SRGAP1: variants seen among roughly 807,000 people sequenced by gnomAD.
The protein encoded by SRGAP1 is SLIT-ROBO Rho GTPase-activating protein 1.
SRGAP1 carries 43 observed loss-of-function variants against 121.9 expected under a neutral mutation model. The ratio of observed to expected loss-of-function variants is 0.35; its 90% CI spans 0.28 to 0.46. The LOEUF (loss-of-function observed/expected upper bound fraction) is 0.46. SRGAP1 is among the 20% of genes least tolerant of loss of function. SRGAP1 has a pLI of 1.00. For synonymous variants in SRGAP1, 447 were observed against 485.4 expected (o/e 0.92, Z 1.04); for missense variants, 1,102 against 1,350.9 (o/e 0.82, Z 2.89).
intron 1 of SRGAP1, among the ~76,000 whole-genome samples, chr12:63,863,552 G>A (rs372988257): frequency 6.6e-5 from 10 of 152,136 alleles, no homozygotes; most frequent in South Asian, 2.1e-4. Context: ...GATTATAGGC[G>A]TGAGCCACCG....
chr12:63,984,360 A>G (rs2033356584), intron 2 of SRGAP1, among the ~76,000 whole-genome samples: 1 of 152,174 alleles, frequency 6.6e-6, no homozygotes, highest in East Asian at 1.9e-4. Context: ...CAATACATAT[A>G]TATTTATGGA....
intron 18 of SRGAP1, among the ~76,000 whole-genome samples, chr12:64,121,951 T>C (rs528480546): frequency 6.6e-6 from 1 of 152,218 alleles, no homozygotes; most frequent in Non-Finnish European, 1.5e-5. Context: ...TGCCGAGGTA[T>C]TGTATTTTTT....
At chr12:63,877,526 C>T (rs1300081433) in intron 1 of SRGAP1, among the ~76,000 whole-genome samples, 1 of 152,210 alleles carries the variant, frequency 6.6e-6, no homozygotes, top group Non-Finnish European at 1.5e-5. Context: ...AACATGGACT[C>T]ATTCAAGCAA....
At chr12:63,970,303 A>C (rs1292472274) in intron 1 of SRGAP1, among the ~76,000 whole-genome samples, 1 of 152,212 alleles carries the variant, frequency 6.6e-6, no homozygotes, top group Non-Finnish European at 1.5e-5. Context: ...CCAGCAGTGC[A>C]CTAAGAGCTA....
chr12:64,142,608 C>G lies in SRGAP1; in HGVS notation c.3194C>G (p.Thr1065Arg). 1 of 1,614,182 alleles carries G rather than the reference C, an allele frequency of 6.2e-7. No homozygotes were observed. ...CCAAAACCTGCTGTTCTTCCAAAAA[C>G]AAATCCTACCATAGGACCTGCCCCA... ...LRPKPAVLPK[T>R]NPTIGPAPPP... is the part of the protein sequence containing the mutation. Residue 1065 changes from threonine (T) to arginine (R), a missense_variant, in exon 22 of 22, where the codon ACA becomes AGA. Physicochemically the swap from Thr to Arg is moderately conservative, Grantham distance 71 (BLOSUM62 -1). This residue lies in a region of SRGAP1 where 315 missense variants were observed against 343.1 expected (regional missense o/e 0.92). Transcript: ENST00000355086.
chr12:64,127,907 A>G lies in SRGAP1; in HGVS notation c.2587A>G (p.Arg863Gly), dbSNP rs2036721729. The change falls in exon 21 of 22, where the codon AGG becomes GGG. Residue 863 changes from arginine (R) to glycine (G), a missense_variant. Coordinates refer to ENST00000355086, the MANE Select transcript of SRGAP1 (RefSeq NM_020762.4). ...EPPPPVRRPGRTSDGHCPLHP... is the reference protein window; with the variant it reads ...EPPPPVRRPGGTSDGHCPLHP... ...ACCCCCTCCAGTAAGGCGTCCTGGCAGGACCAGTGATGGCCATTGCCCGCT... is the reference window on the plus strand; with the variant it reads ...ACCCCCTCCAGTAAGGCGTCCTGGCGGGACCAGTGATGGCCATTGCCCGCT... 1 of 1,614,130 alleles carries G rather than the reference A, an allele frequency of 6.2e-7. No individual in the cohort carries two copies.
intron 6 of SRGAP1, among the ~76,000 whole-genome samples, chr12:64,053,208 G>T (rs1169572231): frequency 6.6e-6 from 1 of 152,134 alleles, no homozygotes; most frequent in Non-Finnish European, 1.5e-5. Flanking sequence ...TTCTGTAAGG[G>T]GCCAGATGGT....
rs1264641140 is a variant in SRGAP1 at position 64,030,158 on chromosome 12, A to G, written c.490-12632A>G. Among the ~76,000 whole-genome samples, 7 of 152,334 alleles carry G rather than the reference A, an allele frequency of 4.6e-5. No individual in the cohort carries two copies. The South Asian group carries it at 1.0e-3, about 23-fold the overall frequency. ...TAATTATGTTTATAAAAAATTATGA[A>G]CTAATGAACTAGCATAAATCAATAA... is the stretch of plus-strand genomic sequence containing the variant. On this transcript the variant is annotated intron_variant, in intron 4 of 21. Transcript: ENST00000355086.
Position 63,896,008 on chromosome 12 carries a change from T to G in SRGAP1, c.67+51125T>G, listed in dbSNP as rs561574394. On this transcript the variant is annotated intron_variant, in intron 1 of 21. Transcript: ENST00000355086. ...AGTCAGATTTTCTTATAAGACTCAA[T>G]GTGCTGTTATGGTTATGACTGTGGG... 8.5e-5 allele frequency among the ~76,000 whole-genome samples: 13 copies of G among 152,292 alleles called. No homozygotes were observed. The East Asian group carries it at 2.1e-3, about 25-fold the overall frequency.
At position 64,143,254 on chromosome 12, in the gene SRGAP1, A is replaced by G. The variant is rs1260732997; in HGVS notation, c.*582A>G. The G allele has an allele frequency of 6.5e-6, 1 of 152,962 alleles. No homozygotes were observed. Among genetic ancestry groups the G allele is most frequent in the Non-Finnish European group, 1.5e-5 (1 of 68,672 alleles). The allele number at this position is 152,962 out of a possible 1,614,324, so 9.5% of individuals were successfully genotyped here. ...TGGGTTGGATGCTTGCCTCTTTCCTAACAGTTATTTCCCCGGGTCCAGCTT... is the reference window on the plus strand; with the variant it reads ...TGGGTTGGATGCTTGCCTCTTTCCTGACAGTTATTTCCCCGGGTCCAGCTT... On this transcript the variant is annotated 3_prime_UTR_variant, in exon 22 of 22. Transcript: ENST00000355086.
chr12:63,905,597 C>A (rs1203536969), intron 1 of SRGAP1, among the ~76,000 whole-genome samples: 1 of 152,146 alleles, frequency 6.6e-6, no homozygotes, highest in East Asian at 1.9e-4. Flanking sequence ...CTTCCTAATT[C>A]AAAGAACAAT....
In SRGAP1 at chr12:64,079,141, C is replaced by T. The variant is rs182345228; in HGVS notation, c.1323+25C>T. Reference sequence around the variant, plus strand: ...GGTGTGCCCGCCACTTCCCAAGCCACTCTACAGAGCTCAGATCTAGGATTC... The same window carrying T: ...GGTGTGCCCGCCACTTCCCAAGCCATTCTACAGAGCTCAGATCTAGGATTC... On this transcript the variant is annotated intron_variant, in intron 9 of 21. Coordinates refer to ENST00000355086, the MANE Select transcript of SRGAP1 (RefSeq NM_020762.4). 2.6e-4 allele frequency: 422 copies of T among 1,612,822 alleles called. No homozygotes were observed. The African/African-American group carries it at 4.9e-3, about 19-fold the overall frequency.
chr12:63,891,148 A>G (rs1466083181), intron 1 of SRGAP1, among the ~76,000 whole-genome samples: 6 of 151,888 alleles, frequency 4.0e-5, no homozygotes, highest in African/African-American at 7.3e-5. Flanking sequence ...ATTCCTCCAC[A>G]CTCATGGAGG....
chr12:64,142,701 G>GGTGACTT lies in SRGAP1; in HGVS notation c.*30_*36dup. On this transcript the variant is annotated 3_prime_UTR_variant, in exon 22 of 22. Coordinates refer to ENST00000355086, the MANE Select transcript of SRGAP1 (RefSeq NM_020762.4). Reference sequence around the variant, plus strand: ...CCAGCCAAGCAAGGCCATAAAGGGAGGTGACTTAAAAAAGAAAATGGATTA... The same window carrying GGTGACTT: ...CCAGCCAAGCAAGGCCATAAAGGGAGGTGACTTGTGACTTAAAAAAGAAAATGGATTA... The GGTGACTT allele has an allele frequency of 6.4e-7, 1 of 1,571,304 alleles. No homozygotes were observed. Among genetic ancestry groups the GGTGACTT allele is most frequent in the Non-Finnish European group, 8.6e-7 (1 of 1,157,604 alleles).
intron 1 of SRGAP1, among the ~76,000 whole-genome samples, chr12:63,866,834 G>GGAGATAAGGGA (rs1565927004): frequency 1.3e-5 from 2 of 151,602 alleles, no homozygotes; most frequent in East Asian, 3.9e-4. Flanking sequence ...CCAGTCTCTG[G>GGAGATAAGGGA]GGAGATAAGG....
chr12:64,007,267 G>A (rs577212496), intron 3 of SRGAP1, among the ~76,000 whole-genome samples: 2 of 152,252 alleles, frequency 1.3e-5, no homozygotes, highest in South Asian at 4.1e-4. Context: ...TTCATGGAAG[G>A]CAATTTTTCT....
chr12:63,917,227 C>T (rs559052881), intron 1 of SRGAP1, among the ~76,000 whole-genome samples: 18 of 152,094 alleles, frequency 1.2e-4, no homozygotes, highest in South Asian at 6.2e-4. Context: ...CCGTATAAAG[C>T]GTTATTATTG....
chr12:64,062,540 G>C (rs184892390), intron 6 of SRGAP1, among the ~76,000 whole-genome samples: 28 of 148,906 alleles, frequency 1.9e-4, no homozygotes, highest in Admixed American at 1.7e-3. Context: ...TTTTTCACAT[G>C]GAGTCTTGCT....
intron 10 of SRGAP1, among the ~76,000 whole-genome samples, chr12:64,086,124 G>A (rs2035932836): frequency 2.0e-5 from 3 of 152,208 alleles, no homozygotes; most frequent in Admixed American, 2.0e-4. Context: ...GATAGGCTGA[G>A]CTTAGCTGTT....
Sources: gnomAD v4.1 joint callset for allele counts (sites outside exome capture counted in the v4.1 genomes callset) on GRCh38, gnomAD v4.1.1 for gene constraint, gnomAD v4.1.1 regional missense constraint, MANE v1.5 for transcripts, NCBI Gene and HGNC (gene_info 2026-07-23, HGNC 2026-07-21) for gene names.